The following SENP5 variants were observed in gnomAD, a reference collection of about 807,000 sequenced individuals.
SENP5 encodes SUMO specific peptidase 5, also known as sentrin-specific protease 5.
SENP5 carries 21 observed loss-of-function variants against 74.2 expected under a neutral mutation model. The ratio of observed to expected loss-of-function variants is 0.28; its 90% CI spans 0.20 to 0.41. SENP5 has a LOEUF of 0.41. Ranked by LOEUF, SENP5 falls within the 10% of genes least tolerant of loss-of-function variation. SENP5 has a pLI of 1.00. For missense variants in SENP5, 717 were observed against 889.1 expected (o/e 0.81, Z 2.46); for synonymous variants, 311 against 312.7 (o/e 0.99, Z 0.06).
chr3:196,917,123 A>G (rs1039605060), intron 6 of SENP5, among the ~76,000 whole-genome samples: 51 of 152,004 alleles, frequency 3.4e-4, no homozygotes, highest in African/African-American at 1.1e-3. Flanking sequence ...AACAGAGCGA[A>G]CTCTGTCTCA....
rs935589187 is a variant in SENP5 at position 196,934,029 on chromosome 3, T to C, written c.*3106T>C. The stretch of plus-strand genomic sequence containing the variant: ...TCAGGTTGTAGTTGCATCTTTACAG[T>C]GGTCTTTCCTTTTATTAAATCTATA... On this transcript the variant is annotated 3_prime_UTR_variant, in exon 10 of 10. Coordinates refer to ENST00000323460, the MANE Select transcript of SENP5 (RefSeq NM_152699.5). The C allele has an allele frequency of 6.6e-6, 1 of 152,226 alleles. No individual in the cohort carries two copies. Among genetic ancestry groups the C allele is most frequent in the African/African-American group, 2.4e-5 (1 of 41,454 alleles). 9.4% of individuals were successfully genotyped at this position (152,226 alleles called of 1,614,324 possible).
intron 6 of SENP5, among the ~76,000 whole-genome samples, chr3:196,917,610 T>C (rs1715435567): frequency 6.6e-6 from 1 of 152,118 alleles, no homozygotes; most frequent in Non-Finnish European, 1.5e-5. Context: ...CCAATACATC[T>C]GGCAGCAGAC....
At chr3:196,925,540 G>A (rs1158509239) in intron 7 of SENP5, among the ~76,000 whole-genome samples, 1 of 152,216 alleles carries the variant, frequency 6.6e-6, no homozygotes, top group African/African-American at 2.4e-5. Flanking sequence ...GCAGAGGAGA[G>A]CAGAGGTGTT....
At chr3:196,870,692 A>G (rs1448909517) in intron 1 of SENP5, among the ~76,000 whole-genome samples, 1 of 151,578 alleles carries the variant, frequency 6.6e-6, no homozygotes, top group African/African-American at 2.4e-5. Context: ...TAATTTTTGT[A>G]TTTTTAGTAG....
At chr3:196,881,771 G>T (rs1442100400) in intron 1 of SENP5, among the ~76,000 whole-genome samples, 2 of 145,238 alleles carry the variant, frequency 1.4e-5, no homozygotes, top group Non-Finnish European at 3.0e-5. Flanking sequence ...TTTAATTTCT[G>T]CTATTATTTT....
chr3:196,916,312 A>T (rs572347860), intron 6 of SENP5, among the ~76,000 whole-genome samples: 1 of 152,088 alleles, frequency 6.6e-6, no homozygotes, highest in African/African-American at 2.4e-5. Context: ...GGGTGACAAG[A>T]ATGAAACTGT....
rs115490111 is a variant in SENP5, at chr3:196,919,219, G to A, written c.1885-4195G>A. On this transcript the variant is annotated intron_variant, in intron 6 of 9. Transcript: ENST00000323460. Reference sequence around the variant, plus strand: ...CAAAGGGCCAGGTGCAGTGGCTTACGCCTGTAATCCTATTAGTTTGGGAGA... The same window carrying A: ...CAAAGGGCCAGGTGCAGTGGCTTACACCTGTAATCCTATTAGTTTGGGAGA... Among the ~76,000 whole-genome samples the A allele has an allele frequency of 4.0e-3, 615 of 152,320 alleles. 2 individuals carry two copies. The highest frequency in any genetic ancestry group is 0.014 in the African/African-American group (595 of 41,576).
Position 196,910,177 on chromosome 3 carries a change from G to A in SENP5, c.1884+6567G>A, listed in dbSNP as rs182807649. 4.3e-3 allele frequency among the ~76,000 whole-genome samples: 651 copies of A among 151,786 alleles called. 7 individuals are homozygous for A. Among genetic ancestry groups the A allele is most frequent in the African/African-American group, 0.013 (528 of 41,372 alleles). On this transcript the variant is annotated intron_variant, in intron 6 of 9. Transcript: ENST00000323460. Reference sequence around the variant, plus strand: ...TGCTACAAAGAGAATAAAATACCTAGGAATACAGTTTATAAGGGATGTGAA... The same window carrying A: ...TGCTACAAAGAGAATAAAATACCTAAGAATACAGTTTATAAGGGATGTGAA...
chr3:196,925,270 G>T (rs1042310217), intron 7 of SENP5, among the ~76,000 whole-genome samples: 2 of 151,564 alleles, frequency 1.3e-5, no homozygotes, highest in African/African-American at 2.4e-5. Flanking sequence ...TCAAGTTTTC[G>T]AAATCCACAT....
chr3:196,901,421 T>C (rs1039572815), intron 5 of SENP5, among the ~76,000 whole-genome samples: 2 of 152,188 alleles, frequency 1.3e-5, no homozygotes, highest in African/African-American at 4.8e-5. Context: ...TTTCCTTAGA[T>C]AAATCTTTGA....
chr3:196,878,320 C>A (rs979172952), intron 1 of SENP5, among the ~76,000 whole-genome samples: 2 of 152,192 alleles, frequency 1.3e-5, no homozygotes, highest in African/African-American at 4.8e-5. Flanking sequence ...TCCCTTTCTT[C>A]TCCCCGTAGA....
At chr3:196,911,335 A>AATCTAC (rs1198787827) in intron 6 of SENP5, among the ~76,000 whole-genome samples, 2 of 152,356 alleles carry the variant, frequency 1.3e-5, no homozygotes, top group Admixed American at 1.3e-4. Flanking sequence ...TAATATCCAG[A>AATCTAC]ATCTACAAGG....
At chr3:196,917,380 G>C (rs987928396) in intron 6 of SENP5, among the ~76,000 whole-genome samples, 1 of 152,090 alleles carries the variant, frequency 6.6e-6, no homozygotes, top group African/African-American at 2.4e-5. Flanking sequence ...GGTAGAGAGA[G>C]AGAGAGAGGG....
chr3:196,883,276 C>T (rs1197942241), intron 1 of SENP5, among the ~76,000 whole-genome samples: 1 of 152,076 alleles, frequency 6.6e-6, no homozygotes, highest in Non-Finnish European at 1.5e-5. Flanking sequence ...ATTGTTCAGA[C>T]TTATTTTGTT....
intron 6 of SENP5, 56 bp from the exon 7 acceptor site, chr3:196,923,358 T>G: frequency 6.5e-7 from 1 of 1,543,898 alleles, no homozygotes; most frequent in Non-Finnish European, 8.7e-7. Flanking sequence ...TGCTGGTTTT[T>G]GGTGGTTTGG....
At chr3:196,874,692 C>T (rs1713376671) in intron 1 of SENP5, among the ~76,000 whole-genome samples, 1 of 152,064 alleles carries the variant, frequency 6.6e-6, no homozygotes, top group African/African-American at 2.4e-5. Context: ...CCAGCCTGAC[C>T]AACATGGAGA....
In SENP5 at chr3:196,885,211, G is replaced by A. The variant is rs759202310; in HGVS notation, c.30G>A (p.Arg10=). 2.6e-5 allele frequency: 42 copies of A among 1,613,128 alleles called. No individual in the cohort carries two copies. The highest frequency in any genetic ancestry group is 1.6e-4 in the Middle Eastern group (1 of 6,082). The change falls in exon 2 of 10, where the codon AGG becomes AGA. Residue 10 remains arginine (R), a synonymous_variant. Coordinates refer to ENST00000323460, the MANE Select transcript of SENP5 (RefSeq NM_152699.5). ...AAAAACAGAGGAAAATTCTATGGAG[G>A]AAAGGAATCCACTTAGCCTTTTCTG... The part of the protein sequence containing the change: MKKQRKILW[R]KGIHLAFSEK...
chr3:196,889,038 C>T (rs1017041296), intron 2 of SENP5, among the ~76,000 whole-genome samples: 4 of 151,904 alleles, frequency 2.6e-5, no homozygotes, highest in Non-Finnish European at 4.4e-5. Flanking sequence ...ATGGTGTGAA[C>T]GGGGGAGGCG....
At chr3:196,887,380 A>T (rs1714018569) in intron 2 of SENP5, among the ~76,000 whole-genome samples, 1 of 151,912 alleles carries the variant, frequency 6.6e-6, no homozygotes, top group Non-Finnish European at 1.5e-5. Context: ...GGGTTTCACC[A>T]TGTTGGCCAG....
Sources: gnomAD v4.1 joint callset for allele counts (sites outside exome capture counted in the v4.1 genomes callset) on GRCh38, gnomAD v4.1.1 for gene constraint, MANE v1.5 for transcripts, NCBI Gene and HGNC (gene_info 2026-07-23, HGNC 2026-07-21) for gene names.